FYB1: variants seen among roughly 807,000 people sequenced by gnomAD.
FYB1 encodes FYN-binding protein 1.
FYB1 carries 41 observed loss-of-function variants against 94.1 expected under a neutral mutation model. The ratio of observed to expected loss-of-function variants is 0.44; its 90% CI spans 0.34 to 0.57. The LOEUF is 0.57. FYB1 is among the 20% of genes least tolerant of loss of function. FYB1 has a pLI of 0.02. For synonymous variants in FYB1, 367 were observed against 353.2 expected (o/e 1.04, Z -0.44); for missense variants, 1,050 against 976.8 (o/e 1.07, Z -1.00).
chr5:39,152,185 T>C (rs1224841237), intron 3 of FYB1, among the ~76,000 whole-genome samples: 1 of 152,242 alleles, frequency 6.6e-6, no homozygotes, highest in African/African-American at 2.4e-5. Context: ...AGCCCATTAA[T>C]ATAAATGCAC....
chr5:39,217,768 A>G (rs923748583), intron 1 of FYB1, among the ~76,000 whole-genome samples: 12 of 152,018 alleles, frequency 7.9e-5, no homozygotes, highest in African/African-American at 2.4e-4. Flanking sequence ...CACTCTCTTC[A>G]CTTTCTTGTT....
chr5:39,140,212 G>T (rs1270824515), intron 4 of FYB1, among the ~76,000 whole-genome samples: 4 of 152,160 alleles, frequency 2.6e-5, no homozygotes, highest in Non-Finnish European at 5.9e-5. Flanking sequence ...CCGAATGGGA[G>T]AAGATATTTG....
intron 14 of FYB1, among the ~76,000 whole-genome samples, chr5:39,121,641 T>G (rs188416625): frequency 1.1e-4 from 16 of 152,236 alleles, no homozygotes; most frequent in Admixed American, 1.0e-3. Context: ...TCAAATCATT[T>G]CATGTATTTA....
chr5:39,127,924 T>C, intron 10 of FYB1, 117 bp from the exon 11 acceptor site: 1 of 902,142 alleles, frequency 1.1e-6, no homozygotes, highest in Non-Finnish European at 1.6e-6. Flanking sequence ...TTCACTTTCA[T>C]GTAAACCATT....
intron 17 of FYB1, among the ~76,000 whole-genome samples, chr5:39,109,497 C>T (rs886284526): frequency 2.0e-5 from 3 of 151,966 alleles, no homozygotes; most frequent in Non-Finnish European, 4.4e-5. Context: ...AAGTCTCTTG[C>T]CTCCCACTGT....
chr5:39,117,251 T>G (rs966160433), intron 16 of FYB1, among the ~76,000 whole-genome samples: 2 of 152,186 alleles, frequency 1.3e-5, no homozygotes, highest in African/African-American at 4.8e-5. Context: ...ATTAAATAGC[T>G]TTCTTACTTT....
At chr5:39,154,640 G>T (rs1323740074) in intron 2 of FYB1, among the ~76,000 whole-genome samples, 1 of 151,994 alleles carries the variant, frequency 6.6e-6, no homozygotes, top group East Asian at 1.9e-4. Context: ...CTGAGTAGCT[G>T]GGATTATAGG....
At chr5:39,205,293 C>T (rs182798158) in intron 1 of FYB1, among the ~76,000 whole-genome samples, 33 of 152,266 alleles carry the variant, frequency 2.2e-4, no homozygotes, top group South Asian at 6.2e-4. Context: ...GAATCTTACT[C>T]GCTATGTAAC....
chr5:39,159,107 A>G (rs1184299189), intron 2 of FYB1, among the ~76,000 whole-genome samples: 1 of 152,222 alleles, frequency 6.6e-6, no homozygotes, highest in Admixed American at 6.5e-5. Flanking sequence ...CATAAACATA[A>G]AAGATGGTCA....
intron 3 of FYB1, among the ~76,000 whole-genome samples, chr5:39,145,802 A>G (rs527343693): frequency 5.3e-5 from 8 of 149,934 alleles, no homozygotes; most frequent in African/African-American, 2.0e-4. Flanking sequence ...TGCTGTCTGA[A>G]CTCTCTCTGG....
intron 3 of FYB1, among the ~76,000 whole-genome samples, chr5:39,143,638 C>A (rs919126788): frequency 6.6e-6 from 1 of 152,122 alleles, no homozygotes; most frequent in Admixed American, 6.5e-5. Flanking sequence ...ATTACTTGAA[C>A]AAGAGATGCT....
chr5:39,174,723 C>T (rs1745560204), intron 2 of FYB1, among the ~76,000 whole-genome samples: 1 of 152,126 alleles, frequency 6.6e-6, no homozygotes, highest in South Asian at 2.1e-4. Context: ...AAAATAAGCT[C>T]TTTCTCTCTT....
chr5:39,118,046 G>A lies in FYB1; in HGVS notation c.2401+828C>T, dbSNP rs866011354. ...TCCCAAGTAGCTGGGACTACAAGGC[G>A]CACACCGCTACATCTGGCTAAATTT... On this transcript the variant is annotated intron_variant, in intron 16 of 18. Coordinates refer to ENST00000512982, the MANE Select transcript of FYB1 (RefSeq NM_001465.6). 5.8e-4 allele frequency among the ~76,000 whole-genome samples: 88 copies of A among 152,010 alleles called. 1 individual carries two copies. Among genetic ancestry groups the A allele is most frequent in the African/African-American group, 2.1e-3 (87 of 41,466 alleles).
intron 5 of FYB1, 62 bp from the exon 6 acceptor site, chr5:39,138,753 A>T (rs1047847563): frequency 5.3e-6 from 5 of 945,190 alleles, no homozygotes; most frequent in Non-Finnish European, 6.6e-6. Flanking sequence ...CACACATATT[A>T]CATTGCTTAG....
chr5:39,263,776 G>A (rs555738125), intron 1 of FYB1, among the ~76,000 whole-genome samples: 8 of 152,198 alleles, frequency 5.3e-5, no homozygotes, highest in Middle Eastern at 3.4e-3. Context: ...CACTTTTGAG[G>A]GAGAACAGGA....
At chr5:39,244,370 A>G (rs1751368649) in intron 1 of FYB1, among the ~76,000 whole-genome samples, 1 of 151,276 alleles carries the variant, frequency 6.6e-6, no homozygotes, top group Non-Finnish European at 1.5e-5. Flanking sequence ...GAATTTTGTC[A>G]AAGGCCTTTT....
At chr5:39,241,584 G>GA (rs970420948) in intron 1 of FYB1, among the ~76,000 whole-genome samples, 3 of 152,116 alleles carry the variant, frequency 2.0e-5, no homozygotes, top group Non-Finnish European at 4.4e-5. Flanking sequence ...TCAACATAGG[G>GA]AGTGGGCAAG....
chr5:39,221,415 T>C (rs1750255864), upstream of FYB1, among the ~76,000 whole-genome samples: 1 of 152,258 alleles, frequency 6.6e-6, no homozygotes, highest in Admixed American at 6.5e-5. Flanking sequence ...CAGTGTTATG[T>C]TGTGTCTCTT....
Position 39,201,818 on chromosome 5 carries a change from G to A in FYB1, c.1135+8C>T, listed in dbSNP as rs75715521. The A allele has an allele frequency of 6.2e-7, 1 of 1,605,354 alleles. No individual in the cohort carries two copies. Among genetic ancestry groups the A allele is most frequent in the Non-Finnish European group, 8.5e-7 (1 of 1,174,502 alleles). On this transcript the variant is annotated splice_region_variant and intron_variant, in intron 2 of 18. Transcript: ENST00000512982. ...CCATACTGAATAGCAAACGAGAAAA[G>A]AACTCACTGTTTCCAGAAGAGGTTT...
Sources: gnomAD v4.1 joint callset for allele counts (sites outside exome capture counted in the v4.1 genomes callset) on GRCh38, gnomAD v4.1.1 for gene constraint, MANE v1.5 for transcripts, NCBI Gene and HGNC (gene_info 2026-07-23, HGNC 2026-07-21) for gene names.